Variants in BMERB1 observed in about 807,000 individuals in gnomAD.
BMERB1 encodes bMERB domain containing 1, also known as bMERB domain-containing protein 1.
In BMERB1, 12 loss-of-function variants were observed where a neutral mutation model predicts 23.6. That is an observed-to-expected ratio of 0.51 (90% CI 0.33 to 0.82). The LOEUF is 0.82. Ranked by LOEUF, BMERB1 falls within the 40% of genes least tolerant of loss-of-function variation. BMERB1 has a pLI of 0.03. For missense variants in BMERB1, 247 were observed against 255.4 expected (o/e 0.97, Z 0.22); for synonymous variants, 122 against 96.6 (o/e 1.26, Z -1.54).
chr16:15,519,095 A>ACG (rs1567481394), intron 2 of BMERB1, among the ~76,000 whole-genome samples: 14 of 149,870 alleles, frequency 9.3e-5, no homozygotes, highest in African/African-American at 3.0e-4. Context: ...ACACACACAC[A>ACG]CACACACACA....
At chr16:15,560,589 T>A (rs757754473) in intron 2 of BMERB1, among the ~76,000 whole-genome samples, 9 of 151,952 alleles carry the variant, frequency 5.9e-5, no homozygotes, top group Non-Finnish European at 8.8e-5. Flanking sequence ...TCCAGGAGTT[T>A]GAGACCAGCC....
At chr16:15,487,713 G>A (rs1567465516) in intron 1 of BMERB1, among the ~76,000 whole-genome samples, 1 of 152,164 alleles carries the variant, frequency 6.6e-6, no homozygotes, top group African/African-American at 2.4e-5. Flanking sequence ...CTAAACAAGG[G>A]GCGAATTATT....
chr16:15,575,350 C>A (rs2030831599), intron 3 of BMERB1, among the ~76,000 whole-genome samples: 1 of 152,128 alleles, frequency 6.6e-6, no homozygotes, highest in Non-Finnish European at 1.5e-5. Flanking sequence ...TCTCCAGATT[C>A]TAACTTCCTT....
intron 1 of BMERB1, among the ~76,000 whole-genome samples, chr16:15,456,900 A>G (rs183138852): frequency 4.6e-5 from 7 of 152,172 alleles, no homozygotes; most frequent in African/African-American, 1.7e-4. Flanking sequence ...ATCTCGGCTC[A>G]CTACAACCTC....
chr16:15,439,960 A>G (rs145250773), intron 1 of BMERB1, among the ~76,000 whole-genome samples: 1 of 151,924 alleles, frequency 6.6e-6, no homozygotes, highest in African/African-American at 2.4e-5. Context: ...AATAGCATCA[A>G]CTGGCTGGGT....
At chr16:15,574,858 G>C (rs1249338046) in intron 3 of BMERB1, among the ~76,000 whole-genome samples, 1 of 152,140 alleles carries the variant, frequency 6.6e-6, no homozygotes, top group African/African-American at 2.4e-5. Context: ...TGGGCAGATT[G>C]CTTGAGGCCA....
At chr16:15,535,163 A>G (rs1390074165) in intron 2 of BMERB1, among the ~76,000 whole-genome samples, 3 of 151,898 alleles carry the variant, frequency 2.0e-5, no homozygotes, top group Non-Finnish European at 4.4e-5. Context: ...CAGCTTGGGC[A>G]ACATAGCAAG....
chr16:15,582,012 G>A (rs770988704), intron 4 of BMERB1, among the ~76,000 whole-genome samples: 1 of 152,238 alleles, frequency 6.6e-6, no homozygotes, highest in Non-Finnish European at 1.5e-5. Flanking sequence ...CTTTCTTCAA[G>A]GGTCCTGGGA....
intron 1 of BMERB1, among the ~76,000 whole-genome samples, chr16:15,457,589 G>A (rs1393395157): frequency 2.6e-5 from 4 of 152,142 alleles, no homozygotes; most frequent in Non-Finnish European, 4.4e-5. Flanking sequence ...CCCTCCACGT[G>A]CCCAGCCAGG....
Position 15,583,503 on chromosome 16 carries a change from G to A in BMERB1, c.502+265G>A, listed in dbSNP as rs551574013. 2.6e-5 allele frequency among the ~76,000 whole-genome samples: 4 copies of A among 151,740 alleles called. No homozygotes were observed. The South Asian group carries it at 8.4e-4, about 32-fold the overall frequency. On this transcript the variant is annotated intron_variant, in intron 5 of 5. Coordinates refer to ENST00000300006, the MANE Select transcript of BMERB1 (RefSeq NM_033201.3). Reference sequence around the variant, plus strand: ...TGAGGCAGGAGAATTGCTTGAACCCGGGAGGTGGGGGTTGCAGTGAGCTGA... The same window carrying A: ...TGAGGCAGGAGAATTGCTTGAACCCAGGAGGTGGGGGTTGCAGTGAGCTGA...
At chr16:15,485,765 A>G (rs1204093536) in intron 1 of BMERB1, among the ~76,000 whole-genome samples, 3 of 152,060 alleles carry the variant, frequency 2.0e-5, no homozygotes, top group Non-Finnish European at 4.4e-5. Context: ...GTAGAGCCCA[A>G]AACCAATTTG....
intron 2 of BMERB1, among the ~76,000 whole-genome samples, chr16:15,528,269 GA>G: frequency 6.6e-6 from 1 of 152,020 alleles, no homozygotes; most frequent in East Asian, 1.9e-4. Flanking sequence ...CTCCAGAGAG[GA>G]AGGGCACCGT....
At chr16:15,510,502 C>T (rs879842224) in intron 1 of BMERB1, among the ~76,000 whole-genome samples, 8 of 152,046 alleles carry the variant, frequency 5.3e-5, no homozygotes, top group Non-Finnish European at 1.0e-4. Flanking sequence ...CGTGACGTGC[C>T]GGGGTAATTC....
At chr16:15,532,638 C>A (rs2150959923) in intron 2 of BMERB1, among the ~76,000 whole-genome samples, 1 of 150,272 alleles carries the variant, frequency 6.7e-6, no homozygotes, top group East Asian at 2.0e-4. Flanking sequence ...CTCTGCCTCC[C>A]AGGTTCACGC....
At chr16:15,519,645 C>A (rs1372325096) in intron 2 of BMERB1, among the ~76,000 whole-genome samples, 2 of 152,118 alleles carry the variant, frequency 1.3e-5, no homozygotes, top group African/African-American at 4.8e-5. Flanking sequence ...CCCTCCTTGG[C>A]CTCCTTGGGA....
rs191109283 is a variant in BMERB1 at position 15,554,867 on chromosome 16, C to T, written c.231-13116C>T. ...ATTTTCAGTAGAGACAGGGTTTCAC[C>T]GTGTTAGCCAGGATGGTCTCGATCT... On this transcript the variant is annotated intron_variant, in intron 2 of 5. Coordinates refer to ENST00000300006, the MANE Select transcript of BMERB1 (RefSeq NM_033201.3). Among the ~76,000 whole-genome samples, 379 of 151,982 alleles carry T rather than the reference C, an allele frequency of 2.5e-3. 4 individuals are homozygous for T. The highest frequency in any genetic ancestry group is 8.4e-3 in the African/African-American group (349 of 41,470).
chr16:15,530,903 C>CTTTTTTTTT (rs1220558728), intron 2 of BMERB1, among the ~76,000 whole-genome samples: 6 of 109,250 alleles, frequency 5.5e-5, no homozygotes, highest in African/African-American at 1.1e-4. Context: ...TTTCTTCTTT[C>CTTTTTTTTT]TTTTTTTTTT....
At chr16:15,487,496 C>T (rs78836500) in intron 1 of BMERB1, among the ~76,000 whole-genome samples, 2,106 of 152,062 alleles carry the variant, frequency 0.014, 55 homozygotes, top group African/African-American at 0.049. Flanking sequence ...AAAGGGGTCC[C>T]GATCCAGACC....
intron 1 of BMERB1, among the ~76,000 whole-genome samples, chr16:15,482,959 C>A (rs886482546): frequency 6.6e-6 from 1 of 152,074 alleles, no homozygotes; most frequent in African/African-American, 2.4e-5. Flanking sequence ...CACACACACG[C>A]GCGTAAAACA....
Sources: allele counts gnomAD v4.1 joint callset (sites outside exome capture counted in the v4.1 genomes callset), GRCh38; gene constraint gnomAD v4.1.1; transcripts MANE v1.5; gene names NCBI Gene and HGNC (gene_info 2026-07-23, HGNC 2026-07-21).